The following BNC2 variants were observed in gnomAD, a reference collection of about 807,000 sequenced individuals.
The protein encoded by BNC2 is basonuclin zinc finger protein 2, also known as zinc finger protein basonuclin-2.
In BNC2, 20 loss-of-function variants were observed where a neutral mutation model predicts 76.3. The observed-to-expected ratio is 0.26, with a 90% CI of 0.18 to 0.38. The LOEUF is 0.38. Ranked by LOEUF, BNC2 falls within the 10% of genes least tolerant of loss-of-function variation. The probability of loss-of-function intolerance (pLI) is 1.00; values close to 1 mark genes in which losing one functional copy is unlikely to be tolerated. For missense variants in BNC2, 1,382 were observed against 1,399.8 expected (o/e 0.99, Z 0.20); for synonymous variants, 582 against 514.8 (o/e 1.13, Z -1.77).
In BNC2 at chr9:16,418,086, A is replaced by C. The variant is rs1431648235; in HGVS notation, c.*903T>G. 6.5e-6 allele frequency: 1 copy of C among 152,692 alleles called. No homozygotes were observed. Among genetic ancestry groups the C allele is most frequent in the African/African-American group, 2.4e-5 (1 of 41,474 alleles). The allele number at this position is 152,692 out of a possible 1,614,324, so 9.5% of individuals were successfully genotyped here. A position where few individuals can be genotyped will look rare whatever the true frequency, so the allele number is the denominator to read the frequency against. ...TTATACAAGTGAATTTTTTTTAAAA[A>C]AGACACTTACTGAAGTATGGCAATA... On this transcript the variant is annotated 3_prime_UTR_variant, in exon 7 of 7. Transcript: ENST00000380672.
At chr9:16,708,645 G>C (rs374188392) in intron 3 of BNC2, among the ~76,000 whole-genome samples, 1 of 152,066 alleles carries the variant, frequency 6.6e-6, no homozygotes, top group Non-Finnish European at 1.5e-5. Flanking sequence ...CAGGAAGGGC[G>C]GGGTGAGAGA....
intron 1 of BNC2, among the ~76,000 whole-genome samples, chr9:16,746,376 C>T (rs965719027): frequency 1.4e-4 from 21 of 151,862 alleles, no homozygotes; most frequent in Non-Finnish European, 2.8e-4. Flanking sequence ...TGTTTGTTTG[C>T]TTTTTGAGAC....
chr9:16,541,119 T>C (rs1026581348), intron 5 of BNC2, among the ~76,000 whole-genome samples: 3 of 152,232 alleles, frequency 2.0e-5, no homozygotes, highest in Admixed American at 6.5e-5. Flanking sequence ...TGTCTTGTAC[T>C]GCTCTCAGTT....
At chr9:16,612,592 T>C (rs1342886237) in intron 3 of BNC2, among the ~76,000 whole-genome samples, 7 of 152,320 alleles carry the variant, frequency 4.6e-5, no homozygotes, top group South Asian at 4.1e-4. Flanking sequence ...ATACCTACTA[T>C]GTAGAAAACA....
chr9:16,744,591 C>T (rs1295493343), intron 1 of BNC2, among the ~76,000 whole-genome samples: 1 of 152,164 alleles, frequency 6.6e-6, no homozygotes, highest in Non-Finnish European at 1.5e-5. Context: ...TACTTTTATT[C>T]TTCATACCCT....
intron 1 of BNC2, among the ~76,000 whole-genome samples, chr9:16,855,221 G>A (rs1219700682): frequency 6.6e-6 from 1 of 152,064 alleles, no homozygotes; most frequent in East Asian, 1.9e-4. Flanking sequence ...TCAATGGTAT[G>A]TTAACAAAAT....
chr9:16,509,219 G>A (rs963850321), intron 5 of BNC2, among the ~76,000 whole-genome samples: 3 of 152,094 alleles, frequency 2.0e-5, no homozygotes, highest in African/African-American at 7.2e-5. Flanking sequence ...CCAGGAAGCT[G>A]TCAAAGAAAG....
chr9:16,711,942 C>T (rs1823863899), intron 3 of BNC2, among the ~76,000 whole-genome samples: 1 of 152,164 alleles, frequency 6.6e-6, no homozygotes, highest in African/African-American at 2.4e-5. Context: ...AACAGAACTA[C>T]AGGATAGAAG....
chr9:16,454,098 G>A (rs1821396659), intron 5 of BNC2, among the ~76,000 whole-genome samples: 1 of 151,954 alleles, frequency 6.6e-6, no homozygotes, highest in Non-Finnish European at 1.5e-5. Context: ...TCTCTCTCTT[G>A]AATTCTGTGA....
chr9:16,597,030 A>C (rs1179310996), intron 3 of BNC2, among the ~76,000 whole-genome samples: 1 of 152,184 alleles, frequency 6.6e-6, no homozygotes, highest in Non-Finnish European at 1.5e-5. Flanking sequence ...AACAACAAAA[A>C]GAAATCATTT....
chr9:16,454,203 A>AG (rs1269297784), intron 5 of BNC2, among the ~76,000 whole-genome samples: 4 of 152,126 alleles, frequency 2.6e-5, no homozygotes, highest in Non-Finnish European at 4.4e-5. Context: ...ATAATCCCTT[A>AG]CAGTATAACC....
intron 1 of BNC2, among the ~76,000 whole-genome samples, chr9:16,869,954 A>G (rs1320836528): frequency 6.6e-6 from 1 of 152,194 alleles, no homozygotes; most frequent in Non-Finnish European, 1.5e-5. Flanking sequence ...CGTGCAAGTA[A>G]AACAAATCGG....
intron 3 of BNC2, chr9:16,685,666 G>A (rs1356176557): frequency 7.8e-7 from 1 of 1,274,416 alleles, no homozygotes; most frequent in East Asian, 5.6e-5. Context: ...TGTGTATGGA[G>A]GCTGCTGAGA....
chr9:16,539,288 G>C (rs767521988), intron 5 of BNC2, among the ~76,000 whole-genome samples: 41 of 152,038 alleles, frequency 2.7e-4, no homozygotes, highest in Non-Finnish European at 4.6e-4. Flanking sequence ...GGCAGGCCAA[G>C]GTGGGCAGAT....
At chr9:16,670,547 T>C (rs557420526) in intron 3 of BNC2, among the ~76,000 whole-genome samples, 4 of 152,254 alleles carry the variant, frequency 2.6e-5, no homozygotes, top group Non-Finnish European at 5.9e-5. Context: ...ATCAAGGACA[T>C]AGGATATAAC....
At chr9:16,637,158 G>A (rs570879455) in intron 3 of BNC2, among the ~76,000 whole-genome samples, 85 of 151,692 alleles carry the variant, frequency 5.6e-4, no homozygotes, top group African/African-American at 1.8e-3. Flanking sequence ...ACATCAAAGG[G>A]TATAGAATTA....
intron 5 of BNC2, among the ~76,000 whole-genome samples, chr9:16,501,875 C>G (rs1480635995): frequency 6.6e-6 from 1 of 152,174 alleles, no homozygotes; most frequent in African/African-American, 2.4e-5. Flanking sequence ...ACTACAGCCT[C>G]TACTCCATTG....
At chr9:16,506,517 T>C (rs1822631051) in intron 5 of BNC2, among the ~76,000 whole-genome samples, 2 of 80,468 alleles carry the variant, frequency 2.5e-5, no homozygotes, top group Non-Finnish European at 5.0e-5. Context: ...TCTCCTCTTT[T>C]TTTTTTTTTT....
chr9:16,812,643 T>C (rs1373968412), intron 1 of BNC2, among the ~76,000 whole-genome samples: 1 of 152,206 alleles, frequency 6.6e-6, no homozygotes, highest in Non-Finnish European at 1.5e-5. Flanking sequence ...ATATTCCTCA[T>C]AGGACTTAAT....
Sources: gnomAD v4.1 joint callset for allele counts (sites outside exome capture counted in the v4.1 genomes callset) on GRCh38, gnomAD v4.1.1 for gene constraint, MANE v1.5 for transcripts, NCBI Gene and HGNC (gene_info 2026-07-23, HGNC 2026-07-21) for gene names.